LOC128125817: variants seen among roughly 807,000 people sequenced by gnomAD.
chr1:41,612,210 T>C, the LOC128125817 span, among the ~76,000 whole-genome samples: 1,361 of 152,310 alleles, frequency 8.9e-3, 24 homozygotes, highest in African/African-American at 0.031. Context: ...CAAATCCTTC[T>C]TGTCACCACT....
At chr1:41,620,993 C>T in the LOC128125817 span, among the ~76,000 whole-genome samples, 94,027 of 152,070 alleles carry the variant, frequency 0.62, 29,568 homozygotes, top group African/African-American at 0.74. Flanking sequence ...CTGGTCAGCC[C>T]CACACCTGCA....
At chr1:41,624,892 G>A in the LOC128125817 span, among the ~76,000 whole-genome samples, 1 of 152,138 alleles carries the variant, frequency 6.6e-6, no homozygotes, top group Non-Finnish European at 1.5e-5. Context: ...TTGGCCAGGC[G>A]CGGTGGCTCA....
chr1:41,594,133 C>G, the LOC128125817 span, among the ~76,000 whole-genome samples: 3 of 152,232 alleles, frequency 2.0e-5, no homozygotes, highest in Admixed American at 1.3e-4. Context: ...TAATGGGCAA[C>G]ATATTCAGTT....
the LOC128125817 span, among the ~76,000 whole-genome samples, chr1:41,597,468 C>T: frequency 6.6e-6 from 1 of 152,340 alleles, no homozygotes; most frequent in South Asian, 2.1e-4. Flanking sequence ...TGTGCCAGGG[C>T]TGTTCTTAGT....
At chr1:41,618,438 C>T in the LOC128125817 span, among the ~76,000 whole-genome samples, 2 of 152,176 alleles carry the variant, frequency 1.3e-5, no homozygotes, top group African/African-American at 4.8e-5. Context: ...TTCCAAAGGG[C>T]GTAGTGTTGA....
chr1:41,623,961 C>T, the LOC128125817 span, among the ~76,000 whole-genome samples: 4 of 152,216 alleles, frequency 2.6e-5, no homozygotes, highest in Admixed American at 6.5e-5. Flanking sequence ...CCTTGCTCCA[C>T]GCTCTTCTGC....
At chr1:41,627,631 C>A in the LOC128125817 span, among the ~76,000 whole-genome samples, 1 of 152,140 alleles carries the variant, frequency 6.6e-6, no homozygotes, top group East Asian at 1.9e-4. Flanking sequence ...CCATCCCCTT[C>A]TCTATACAGT....
the LOC128125817 span, among the ~76,000 whole-genome samples, chr1:41,609,069 A>C: frequency 1.3e-5 from 2 of 152,250 alleles, no homozygotes; most frequent in Non-Finnish European, 2.9e-5. Flanking sequence ...CAATAAAAAA[A>C]AAAAACGGTT....
At chr1:41,616,590 A>G in the LOC128125817 span, among the ~76,000 whole-genome samples, 1 of 138,876 alleles carries the variant, frequency 7.2e-6, no homozygotes, top group Non-Finnish European at 1.6e-5. Flanking sequence ...TTTTTCAAAC[A>G]GGGTATAGGA....
At chr1:41,587,830 A>C in the LOC128125817 span, among the ~76,000 whole-genome samples, 1 of 152,128 alleles carries the variant, frequency 6.6e-6, no homozygotes, top group Non-Finnish European at 1.5e-5. Flanking sequence ...AATTAATAGA[A>C]GTTCTCTGTG....
the LOC128125817 span, among the ~76,000 whole-genome samples, chr1:41,628,476 A>T: frequency 6.6e-6 from 1 of 152,182 alleles, no homozygotes; most frequent in Non-Finnish European, 1.5e-5. Flanking sequence ...TTGCCAGGAC[A>T]GAATGGAAAC....
the LOC128125817 span, chr1:41,628,684 G>T: frequency 8.9e-7 from 1 of 1,117,694 alleles, no homozygotes; most frequent in Non-Finnish European, 1.1e-6. Context: ...AACTAAGCAA[G>T]CTCATGCAAG....
At chr1:41,589,348 C>T in the LOC128125817 span, among the ~76,000 whole-genome samples, 2 of 152,224 alleles carry the variant, frequency 1.3e-5, no homozygotes, top group African/African-American at 4.8e-5. Flanking sequence ...AACTGGTTAG[C>T]TCCCACTTCA....
the LOC128125817 span, among the ~76,000 whole-genome samples, chr1:41,605,365 A>ACGCG: frequency 1.6e-5 from 2 of 124,390 alleles, no homozygotes; most frequent in African/African-American, 6.6e-5. Flanking sequence ...ACATACACAC[A>ACGCG]CGCACACGCG....
At chr1:41,596,157 G>C in the LOC128125817 span, among the ~76,000 whole-genome samples, 1 of 152,238 alleles carries the variant, frequency 6.6e-6, no homozygotes, top group Admixed American at 6.5e-5. Flanking sequence ...AGAATGACGA[G>C]ATAAAGTCCC....
chr1:41,617,947 C>T, the LOC128125817 span, among the ~76,000 whole-genome samples: 1 of 152,210 alleles, frequency 6.6e-6, no homozygotes, highest in African/African-American at 2.4e-5. Context: ...GCTCACATGT[C>T]ATTGGGTGTG....
the LOC128125817 span, among the ~76,000 whole-genome samples, chr1:41,589,800 C>T: frequency 6.6e-6 from 1 of 152,154 alleles, no homozygotes; most frequent in African/African-American, 2.4e-5. Context: ...CAGCTCTTTG[C>T]TTGTAATTTA....
the LOC128125817 span, among the ~76,000 whole-genome samples, chr1:41,615,796 T>A: frequency 6.9e-6 from 1 of 145,882 alleles, no homozygotes; most frequent in Non-Finnish European, 1.5e-5. Flanking sequence ...ATGCAGGGCT[T>A]CCACTGTATT....
chr1:41,613,402 C>T, the LOC128125817 span, among the ~76,000 whole-genome samples: 1 of 152,202 alleles, frequency 6.6e-6, no homozygotes, highest in Non-Finnish European at 1.5e-5. Flanking sequence ...ATGCCCATCT[C>T]CCCAGCTACA....
Sources: allele counts gnomAD v4.1 joint callset (sites outside exome capture counted in the v4.1 genomes callset), GRCh38; gene constraint gnomAD v4.1.1; transcripts MANE v1.5.